The following MTMR8 variants were observed in gnomAD, a reference collection of about 807,000 sequenced individuals.
MTMR8 encodes the protein myotubularin related protein 8.
In MTMR8, 65 loss-of-function variants were observed where a neutral mutation model predicts 39.3. The observed-to-expected ratio is 1.65, with a 90% CI of 1.35 to 2.03. The LOEUF is 2.03. Among genes scored for constraint, MTMR8 ranks in the 30% most tolerant of loss-of-function variants. The probability of loss-of-function intolerance (pLI) is 0.00; values close to 1 mark genes in which losing one functional copy is unlikely to be tolerated. For synonymous variants in MTMR8, 245 were observed against 185.2 expected (o/e 1.32, Z -2.62); for missense variants, 777 against 538.9 (o/e 1.44, Z -4.37).
At chrX:64,344,340 GGTGAT>G (rs2147227269) in intron 7 of MTMR8, among the ~76,000 whole-genome samples, 1 of 111,496 alleles carries the variant, frequency 9.0e-6, no homozygotes, top group Admixed American at 9.5e-5. Flanking sequence ...ATCTGGCAAG[GGTGAT>G]GTAAAGGAGA....
intron 4 of MTMR8, among the ~76,000 whole-genome samples, chrX:64,351,101 G>C (rs912806990): frequency 9.0e-6 from 1 of 111,277 alleles, no homozygotes; most frequent in Non-Finnish European, 1.9e-5. Context: ...GTCATACAAA[G>C]AAAAATAAAT....
intron 2 of MTMR8, among the ~76,000 whole-genome samples, chrX:64,357,953 C>G (rs1923669535): frequency 9.0e-6 from 1 of 111,374 alleles, no homozygotes. Flanking sequence ...CTGGGAAGAA[C>G]TTCCCTAATT....
chrX:64,356,251 C>T lies in MTMR8; in HGVS notation c.235G>A (p.Val79Met), dbSNP rs1376506425. The T allele has an allele frequency of 8.3e-7, 1 of 1,207,563 alleles. No individual in the cohort carries two copies. Among genetic ancestry groups the T allele is most frequent in the Admixed American group, 2.2e-5 (1 of 45,499 alleles). The change falls in exon 3 of 14, where the codon GTG becomes ATG. Residue 79 changes from valine to methionine, a missense_variant. By Grantham distance (21) the Val-to-Met change is conservative. Transcript: ENST00000374852. ...PLTLRCKNFR[V>M]AHFVLDSDLV... ...TCAGAATCTAAAACAAAGTGGGCCA[C>T]CCGGAAATTCTTGCAGCGGAGGGTC...
At chrX:64,281,900 G>A (rs1358281852) in intron 12 of MTMR8, among the ~76,000 whole-genome samples, 1 of 100,176 alleles carries the variant, frequency 1.0e-5, no homozygotes, top group Non-Finnish European at 2.0e-5. Flanking sequence ...CAAAAAGAGG[G>A]CAAAGGACAT....
intron 1 of MTMR8, among the ~76,000 whole-genome samples, chrX:64,376,842 T>G (rs758356928): frequency 3.2e-4 from 36 of 111,941 alleles, no homozygotes; most frequent in Admixed American, 2.4e-3. Flanking sequence ...CAGCAGCCCC[T>G]CCCATCACAG....
chrX:64,285,411 C>T (rs1921125282), intron 12 of MTMR8, among the ~76,000 whole-genome samples: 1 of 111,101 alleles, frequency 9.0e-6, no homozygotes, highest in Admixed American at 9.6e-5. Flanking sequence ...CTAGACAGAT[C>T]AACGAGACAG....
At chrX:64,300,737 G>A (rs1383670700) in intron 12 of MTMR8, among the ~76,000 whole-genome samples, 1 of 104,634 alleles carries the variant, frequency 9.6e-6, no homozygotes, top group African/African-American at 3.5e-5. Context: ...TCCATGTTTA[G>A]CGCTTCCTTC....
At chrX:64,310,214 G>T (rs770721217) in intron 12 of MTMR8, among the ~76,000 whole-genome samples, 4 of 111,894 alleles carry the variant, frequency 3.6e-5, no homozygotes, top group Non-Finnish European at 7.5e-5. Flanking sequence ...AATGTTCACA[G>T]CATCTTTACT....
In MTMR8 at chrX:64,356,122, G is replaced by A. The variant is rs763751013; in HGVS notation, c.310+54C>T. On this transcript the variant is annotated intron_variant, in intron 3 of 13. Transcript: ENST00000374852. ...TCCATAGCCCTGATCTTTCCATTATGCCATTTTGGAAAAATATTAAAATGG... is the reference window on the plus strand; with the variant it reads ...TCCATAGCCCTGATCTTTCCATTATACCATTTTGGAAAAATATTAAAATGG... The A allele has an allele frequency of 3.0e-5, 34 of 1,115,763 alleles. 1 individual carries two copies. The South Asian group carries it at 5.7e-4, about 19-fold the overall frequency. The allele number at this position is 1,115,763 out of a possible 1,213,427, so 92.0% of individuals were successfully genotyped here.
At chrX:64,332,392 C>T (rs1248143748) in intron 10 of MTMR8, among the ~76,000 whole-genome samples, 1 of 111,655 alleles carries the variant, frequency 9.0e-6, no homozygotes, top group Non-Finnish European at 1.9e-5. Context: ...TGTTCTCTAC[C>T]TTCTGATATA....
At chrX:64,339,550 C>T (rs557977178) in intron 8 of MTMR8, among the ~76,000 whole-genome samples, 5 of 110,990 alleles carry the variant, frequency 4.5e-5, no homozygotes, top group South Asian at 3.9e-4. Context: ...TTTCAGAAGG[C>T]GCCAACCAAG....
chrX:64,301,310 A>G (rs1423300799), intron 12 of MTMR8, among the ~76,000 whole-genome samples: 18 of 105,728 alleles, frequency 1.7e-4, no homozygotes, highest in Non-Finnish European at 3.1e-4. Flanking sequence ...TTCCCTTCTC[A>G]CTTCATTTCA....
At position 64,336,079 on chromosome X, in the gene MTMR8, C is replaced by T. The variant is rs776368263; in HGVS notation, c.1151G>A (p.Arg384Lys). The T allele has an allele frequency of 1.0e-5, 12 of 1,186,280 alleles. No homozygotes were observed. The South Asian group carries it at 1.5e-4, about 15-fold the overall frequency. Reference protein sequence around the residue: ...WISMGHKFSQRCGHLDGDSKE... With the variant: ...WISMGHKFSQKCGHLDGDSKE... The stretch of plus-strand genomic sequence containing the variant: ...TCCTTCAAAATGAGTATATTTTTAC[C>T]TTTGGGAAAACTTGTGGCCCATGGA... The change falls in exon 10 of 14, where the codon AGG (arginine) becomes AAG (lysine). Residue 384 changes from arginine to lysine, a missense_variant and splice_region_variant. Coordinates refer to ENST00000374852, the MANE Select transcript of MTMR8 (RefSeq NM_017677.4).
intron 12 of MTMR8, among the ~76,000 whole-genome samples, chrX:64,295,631 T>C (rs12157002): frequency 9.0e-6 from 1 of 110,742 alleles, no homozygotes; most frequent in African/African-American, 3.3e-5. Flanking sequence ...ACAACCCAAT[T>C]CAAAAATGGG....
intron 4 of MTMR8, among the ~76,000 whole-genome samples, chrX:64,354,513 T>C (rs1272899778): frequency 9.0e-6 from 1 of 111,695 alleles, no homozygotes; most frequent in Non-Finnish European, 1.9e-5. Context: ...CTGCAAAGCA[T>C]CAGGTTGTTT....
chrX:64,330,543 C>A (rs756989961), intron 11 of MTMR8, among the ~76,000 whole-genome samples: 100 of 111,800 alleles, frequency 8.9e-4, no homozygotes, highest in Non-Finnish European at 1.4e-3. Context: ...TATCCTATTT[C>A]TTTTTCTCTG....
intron 13 of MTMR8, 95 bp downstream of exon 13, chrX:64,270,852 C>T: frequency 2.0e-6 from 2 of 1,010,885 alleles, no homozygotes; most frequent in Non-Finnish European, 2.6e-6. Context: ...AAAAAGCCAG[C>T]CAGTCAGCTT....
chrX:64,374,821 A>C (rs1036309204), intron 1 of MTMR8, among the ~76,000 whole-genome samples: 2 of 110,342 alleles, frequency 1.8e-5, no homozygotes, highest in African/African-American at 6.6e-5. Context: ...TGTCCTTATA[A>C]CAGACAGAGA....
rs1352081534 is a variant in MTMR8 at position 64,285,930 on chromosome X, A to G, written c.1482-14857T>C. On this transcript the variant is annotated intron_variant, in intron 12 of 13. Coordinates refer to ENST00000374852, the MANE Select transcript of MTMR8 (RefSeq NM_017677.4). ...AATTAAAAGAACTAGAGAAACAAGA[A>G]CAAACACATTCAAAAGCTAGCAGAA... Among the ~76,000 whole-genome samples, 14 of 111,564 alleles carry G rather than the reference A, an allele frequency of 1.3e-4. No homozygotes were observed. In the South Asian group the frequency reaches 1.9e-3, roughly 15 times the overall value.
Sources: allele counts gnomAD v4.1 joint callset (sites outside exome capture counted in the v4.1 genomes callset), GRCh38; gene constraint gnomAD v4.1.1; transcripts MANE v1.5; gene names NCBI Gene and HGNC (gene_info 2026-07-23, HGNC 2026-07-21).